The following SPRED2 variants were observed in gnomAD, a reference collection of about 807,000 sequenced individuals.
SPRED2 encodes the protein sprouty-related, EVH1 domain-containing protein 2.
SPRED2 carries 47 observed loss-of-function variants against 43.0 expected under a neutral mutation model. The ratio of observed to expected loss-of-function variants is 1.09; its 90% CI spans 0.87 to 1.40. The LOEUF (loss-of-function observed/expected upper bound fraction) is 1.40. SPRED2 is among the 40% of genes most tolerant of loss of function. The probability of loss-of-function intolerance (pLI) is 0.00; values close to 1 mark genes in which losing one functional copy is unlikely to be tolerated. For missense variants in SPRED2, 561 were observed against 586.4 expected (o/e 0.96, Z 0.45); for synonymous variants, 225 against 225.7 (o/e 1.00, Z 0.03).
At chr2:65,417,781 C>T (rs893810024) in intron 1 of SPRED2, among the ~76,000 whole-genome samples, 18 of 152,136 alleles carry the variant, frequency 1.2e-4, no homozygotes, top group African/African-American at 2.4e-4. Flanking sequence ...GAGCTGAGCT[C>T]GTATTTTCCT....
intron 1 of SPRED2, among the ~76,000 whole-genome samples, chr2:65,408,255 C>T (rs1325307282): frequency 2.6e-5 from 4 of 152,226 alleles, no homozygotes; most frequent in African/African-American, 9.6e-5. Context: ...GACACTGCTG[C>T]GGACACTTTC....
In SPRED2 at chr2:65,313,723, G is replaced by A. The variant is rs765512116; in HGVS notation, c.1035C>T (p.Cys345=). 6.2e-7 allele frequency: 1 copy of A among 1,614,040 alleles called. No individual in the cohort carries two copies. Among genetic ancestry groups the A allele is most frequent in the African/African-American group, 1.3e-5 (1 of 74,924 alleles). Residue 345 remains cysteine, a synonymous_variant, in exon 6 of 6, where the codon TGC becomes TGT. Transcript: ENST00000356388. ...TACAGTGATAGAGCATGCTGTCCGC[G>A]CACCACATGCAGCTCACCCGGCGGA... ...TCIRRVSCMW[C]ADSMLYHCMS...
At chr2:65,308,316 T>A (rs1466224944), downstream of SPRED2, 2 of 985,340 alleles carry the variant, frequency 2.0e-6, no homozygotes, top group Non-Finnish European at 2.4e-6. Context: ...GGCCACCGAC[T>A]TTTTACCAGT....
chr2:65,371,443 A>G (rs1289564088), intron 1 of SPRED2, among the ~76,000 whole-genome samples: 9 of 152,230 alleles, frequency 5.9e-5, no homozygotes, highest in Admixed American at 3.3e-4. Context: ...ACTGGAAAAT[A>G]TCAACATCTT....
chr2:65,372,420 C>T (rs914838065), intron 1 of SPRED2, among the ~76,000 whole-genome samples: 4 of 152,022 alleles, frequency 2.6e-5, no homozygotes, highest in African/African-American at 9.7e-5. Context: ...TGGGAAGAGC[C>T]GGGGGCTTGA....
chr2:65,316,622 G>T, intron 5 of SPRED2, 112 bp downstream of exon 5: 1 of 1,299,040 alleles, frequency 7.7e-7, no homozygotes, highest in South Asian at 1.4e-5. Flanking sequence ...GTAAAGGCAG[G>T]AGCAGGAGAG....
At chr2:65,379,442 G>C (rs904544734) in intron 1 of SPRED2, among the ~76,000 whole-genome samples, 2 of 152,102 alleles carry the variant, frequency 1.3e-5, no homozygotes, top group African/African-American at 4.8e-5. Context: ...AAAGAGACTG[G>C]GGCCATTTTC....
At chr2:65,367,808 G>A (rs1423218109) in intron 1 of SPRED2, among the ~76,000 whole-genome samples, 1 of 152,208 alleles carries the variant, frequency 6.6e-6, no homozygotes, top group Non-Finnish European at 1.5e-5. Flanking sequence ...TTTTGGAAAT[G>A]CTCCATGAGA....
At position 65,313,928 on chromosome 2, in the gene SPRED2, C is replaced by T; in HGVS notation, c.830G>A (p.Gly277Asp). The change falls in exon 6 of 6, where the codon GGC (glycine) becomes GAC (aspartate). Residue 277 changes from glycine to aspartate, a missense_variant. Gly to Asp is a moderately conservative substitution (Grantham distance 94). Transcript: ENST00000356388. ...PYVDSSDFGL[G>D]EDPKGRGGSV... The stretch of plus-strand genomic sequence containing the variant: ...GCCCCCGCGGCCTTTGGGGTCCTCG[C>T]CTAGGCCAAAGTCTGAGGAGTCCAC... 1.2e-6 allele frequency: 2 copies of T among 1,611,242 alleles called. No individual in the cohort carries two copies. The highest frequency in any genetic ancestry group is 1.7e-6 in the Non-Finnish European group (2 of 1,180,010).
intron 1 of SPRED2, among the ~76,000 whole-genome samples, chr2:65,360,673 G>A (rs771101755): frequency 6.6e-6 from 1 of 152,324 alleles, no homozygotes; most frequent in South Asian, 2.1e-4. Context: ...GAGGCGGGGG[G>A]CTGGGGAGGG....
chr2:65,378,700 T>C lies in SPRED2; in HGVS notation c.27-33804A>G, dbSNP rs541876264. Among the ~76,000 whole-genome samples, 98 of 152,346 alleles carry C rather than the reference T, an allele frequency of 6.4e-4. 2 individuals are homozygous for C. The highest frequency in any genetic ancestry group is 1.2e-3 in the Admixed American group (19 of 15,306). ...ACCGCACAAAAGTCAACCCAGTAAGTAACTGCACTCGATTTTTCATTCCAT... is the reference window on the plus strand; with the variant it reads ...ACCGCACAAAAGTCAACCCAGTAAGCAACTGCACTCGATTTTTCATTCCAT... On this transcript the variant is annotated intron_variant, in intron 1 of 5. Transcript: ENST00000356388.
chr2:65,325,257 T>A (rs1237177769), intron 4 of SPRED2, among the ~76,000 whole-genome samples: 1 of 152,208 alleles, frequency 6.6e-6, no homozygotes, highest in African/African-American at 2.4e-5. Context: ...GAAATCACAA[T>A]GTGCAAAGAG....
chr2:65,401,932 C>CGCGCGCGT (rs1553426596), intron 1 of SPRED2, among the ~76,000 whole-genome samples: 3 of 117,890 alleles, frequency 2.5e-5, no homozygotes, highest in African/African-American at 1.2e-4. Context: ...TATTAGCGCG[C>CGCGCGCGT]GCGCGCACAC....
At chr2:65,376,906 G>A (rs898940980) in intron 1 of SPRED2, among the ~76,000 whole-genome samples, 1 of 152,088 alleles carries the variant, frequency 6.6e-6, no homozygotes, top group South Asian at 2.1e-4. Context: ...AGTAGAGACG[G>A]GGTTTCACCG....
intron 1 of SPRED2, chr2:65,378,210 T>C (rs1675290766): frequency 6.5e-6 from 1 of 154,064 alleles, no homozygotes; most frequent in Non-Finnish European, 1.4e-5. Flanking sequence ...TGGGCTTTAA[T>C]TGGAATAAAC....
rs372388275 is a variant in SPRED2 at position 65,363,836 on chromosome 2, G to A, written c.27-18940C>T. On this transcript the variant is annotated intron_variant, in intron 1 of 5. Coordinates refer to ENST00000356388, the MANE Select transcript of SPRED2 (RefSeq NM_181784.3). ...TTTTTATAAAATGTTTATTGAATTC[G>A]TAATAGCTTTGAGTCTTTAGAATAT... Among the ~76,000 whole-genome samples, 352 of 152,192 alleles carry A rather than the reference G, an allele frequency of 2.3e-3. 2 individuals are homozygous for A. Among genetic ancestry groups the A allele is most frequent in the African/African-American group, 8.2e-3 (339 of 41,530 alleles).
chr2:65,327,861 T>G (rs1040284565), intron 4 of SPRED2, among the ~76,000 whole-genome samples: 1 of 151,676 alleles, frequency 6.6e-6, no homozygotes, highest in African/African-American at 2.4e-5. Context: ...GTAGCTGGGA[T>G]TACAGGGGCC....
At chr2:65,381,628 C>T (rs1675376197) in intron 1 of SPRED2, among the ~76,000 whole-genome samples, 1 of 152,224 alleles carries the variant, frequency 6.6e-6, no homozygotes, top group Non-Finnish European at 1.5e-5. Context: ...AGGTTCAGTA[C>T]ATGACAGACA....
At chr2:65,352,714 C>A (rs1674545406) in intron 1 of SPRED2, among the ~76,000 whole-genome samples, 1 of 152,220 alleles carries the variant, frequency 6.6e-6, no homozygotes, top group African/African-American at 2.4e-5. Flanking sequence ...ACCTCTGCCT[C>A]CCAGATTTGA....
Sources: gnomAD v4.1 joint callset for allele counts (sites outside exome capture counted in the v4.1 genomes callset) on GRCh38, gnomAD v4.1.1 for gene constraint, MANE v1.5 for transcripts, NCBI Gene and HGNC (gene_info 2026-07-23, HGNC 2026-07-21) for gene names.